Variants in GRB2 observed in about 807,000 individuals in gnomAD.
GRB2 encodes growth factor receptor-bound protein 2.
GRB2 carries 2 observed loss-of-function variants against 27.4 expected under a neutral mutation model. That is an observed-to-expected ratio of 0.07 (90% CI 0.03 to 0.23). GRB2 has a LOEUF of 0.23. GRB2 is among the 10% of genes least tolerant of loss of function. GRB2 has a pLI of 1.00. For missense variants in GRB2, 102 were observed against 282.4 expected, an observed-to-expected ratio of 0.36 and a Z score of 4.58; for synonymous variants, 94 against 99.6, an observed-to-expected ratio of 0.94 and a Z score of 0.33.
chr17:75,339,338 C>T (rs967964349), intron 2 of GRB2, among the ~76,000 whole-genome samples: 5 of 151,552 alleles, frequency 3.3e-5, no homozygotes, highest in Admixed American at 1.3e-4. Context: ...GGACTACAGG[C>T]GCCCGCCACC....
intron 2 of GRB2, among the ~76,000 whole-genome samples, chr17:75,363,685 C>G (rs1229989007): frequency 6.6e-6 from 1 of 151,466 alleles, no homozygotes; most frequent in Non-Finnish European, 1.5e-5. Flanking sequence ...TGGCGAAACC[C>G]CATCTCTACT....
intron 2 of GRB2, among the ~76,000 whole-genome samples, chr17:75,390,928 A>G (rs956198445): frequency 2.0e-5 from 3 of 152,264 alleles, no homozygotes; most frequent in African/African-American, 7.2e-5. Flanking sequence ...CTATTCCAGC[A>G]ACTTTTAAAA....
chr17:75,370,518 C>G (rs939792702), intron 2 of GRB2, among the ~76,000 whole-genome samples: 2 of 152,144 alleles, frequency 1.3e-5, no homozygotes, highest in Non-Finnish European at 2.9e-5. Context: ...GAGGTCAGAA[C>G]GCGTCCCTGG....
chr17:75,385,926 G>C (rs2078960972), intron 2 of GRB2, among the ~76,000 whole-genome samples: 1 of 152,040 alleles, frequency 6.6e-6, no homozygotes, highest in African/African-American at 2.4e-5. Context: ...AATTGGTTTT[G>C]CTTTTTGGCT....
intron 2 of GRB2, among the ~76,000 whole-genome samples, chr17:75,337,901 C>CTACTACTACTATTAT (rs1375563317): frequency 3.4e-5 from 4 of 117,388 alleles, no homozygotes; most frequent in African/African-American, 1.7e-4. Context: ...ACTACTACTA[C>CTACTACTACTATTAT]TATTATTATT....
intron 2 of GRB2, chr17:75,338,815 G>A (rs2078599690): frequency 9.3e-6 from 7 of 752,218 alleles, no homozygotes; most frequent in South Asian, 8.1e-5. Flanking sequence ...TGTGCTGATA[G>A]CACTCACGCA....
At chr17:75,382,921 G>A (rs773285783) in intron 2 of GRB2, among the ~76,000 whole-genome samples, 21 of 152,118 alleles carry the variant, frequency 1.4e-4, no homozygotes, top group Non-Finnish European at 2.9e-4. Context: ...ATGTTAGCCA[G>A]GATGGTCTCG....
chr17:75,325,434 G>C (rs900912546), intron 4 of GRB2, among the ~76,000 whole-genome samples: 42 of 152,244 alleles, frequency 2.8e-4, no homozygotes, highest in African/African-American at 8.9e-4. Context: ...TTTCACACCT[G>C]AACTTTCCAC....
chr17:75,385,944 C>T (rs1347202715), intron 2 of GRB2, among the ~76,000 whole-genome samples: 1 of 152,094 alleles, frequency 6.6e-6, no homozygotes. Context: ...GCTTGTATGG[C>T]AATTTCATGA....
intron 2 of GRB2, among the ~76,000 whole-genome samples, chr17:75,369,728 G>A (rs918772622): frequency 5.9e-5 from 9 of 151,502 alleles, no homozygotes; most frequent in African/African-American, 2.2e-4. Context: ...GTGTGGGGGT[G>A]CATGCCTGTA....
Position 75,326,034 on chromosome 17 carries a change from G to A in GRB2, c.177-14C>T, listed in dbSNP as rs377629607. 148 of 1,613,814 alleles carry A rather than the reference G, an allele frequency of 9.2e-5. 1 individual carries two copies. In the African/African-American group the frequency reaches 1.3e-3, roughly 14 times the overall value. On this transcript the variant is annotated splice_polypyrimidine_tract_variant and intron_variant, in intron 3 of 5. Coordinates refer to ENST00000316804, the MANE Select transcript of GRB2 (RefSeq NM_002086.5). Reference sequence around the variant, plus strand: ...CCAAAAAACCACCTAAGGAAGGAAGGCAAGCTGGTCAACATCTGCTTCCCC... The same window carrying A: ...CCAAAAAACCACCTAAGGAAGGAAGACAAGCTGGTCAACATCTGCTTCCCC...
At chr17:75,377,539 G>A (rs1207215735) in intron 2 of GRB2, among the ~76,000 whole-genome samples, 2 of 147,228 alleles carry the variant, frequency 1.4e-5, no homozygotes, top group Admixed American at 1.4e-4. Context: ...TGAAGTGCTT[G>A]AGCCTAGGAA....
rs1012813715 is a variant in GRB2, at chr17:75,320,324, T to C, written c.*44A>G. The C allele has an allele frequency of 3.3e-6, 5 of 1,516,054 alleles. No homozygotes were observed. The highest frequency in any genetic ancestry group is 3.4e-5 in the Admixed American group (2 of 59,514). The allele number at this position is 1,516,054 out of a possible 1,614,324, so 93.9% of individuals were successfully genotyped here. On this transcript the variant is annotated 3_prime_UTR_variant, in exon 6 of 6. Transcript: ENST00000316804. The surrounding 1 kb of genome is among the most constrained non-coding windows in gnomAD (Gnocchi z 4.3). The stretch of plus-strand genomic sequence containing the variant: ...CTTGTGGGTTTAATTCTTTTGTATG[T>C]GTTTTACATTTTTCACTTTCTTTAA...
At chr17:75,343,172 T>C (rs1458573138) in intron 2 of GRB2, among the ~76,000 whole-genome samples, 2 of 151,530 alleles carry the variant, frequency 1.3e-5, no homozygotes, top group African/African-American at 4.9e-5. Flanking sequence ...AGTCTGTTTC[T>C]ACACATGTCC....
intron 2 of GRB2, among the ~76,000 whole-genome samples, chr17:75,353,174 G>A (rs2078704294): frequency 8.4e-6 from 1 of 118,722 alleles, no homozygotes; most frequent in South Asian, 3.0e-4. Flanking sequence ...GACAGAGCAA[G>A]ACTCCGTCTC....
At chr17:75,356,189 C>G (rs2078732511) in intron 2 of GRB2, among the ~76,000 whole-genome samples, 1 of 152,084 alleles carries the variant, frequency 6.6e-6, no homozygotes, top group Non-Finnish European at 1.5e-5. Flanking sequence ...TACATTTCCC[C>G]CTAAATACTT....
At chr17:75,390,218 A>G (rs528959125) in intron 2 of GRB2, among the ~76,000 whole-genome samples, 6 of 152,328 alleles carry the variant, frequency 3.9e-5, no homozygotes, top group Non-Finnish European at 7.4e-5. Flanking sequence ...GCTCTCCACT[A>G]GAGCTGAAGA....
At chr17:75,324,519 T>G (rs1379958965) in intron 4 of GRB2, among the ~76,000 whole-genome samples, 2 of 80,170 alleles carry the variant, frequency 2.5e-5, no homozygotes, top group African/African-American at 7.7e-5. Flanking sequence ...TTTTTTTTTT[T>G]TTTTTTTTTT....
At chr17:75,399,016 G>A (rs922561475) in intron 1 of GRB2, among the ~76,000 whole-genome samples, 1 of 152,134 alleles carries the variant, frequency 6.6e-6, no homozygotes, top group African/African-American at 2.4e-5. Context: ...CCAAAGTGCT[G>A]GGATTACAGG....
Sources: gnomAD v4.1 joint callset for allele counts (sites outside exome capture counted in the v4.1 genomes callset) on GRCh38, gnomAD v4.1.1 for gene constraint, Gnocchi (gnomAD v3.1) non-coding constraint, MANE v1.5 for transcripts, NCBI Gene and HGNC (gene_info 2026-07-23, HGNC 2026-07-21) for gene names.